KNDC1: variants seen among roughly 807,000 people sequenced by gnomAD.
The protein encoded by KNDC1 is kinase non-catalytic C-lobe domain-containing protein 1.
In KNDC1, 106 loss-of-function variants were observed where a neutral mutation model predicts 172.8. That is an observed-to-expected ratio of 0.61 (90% CI 0.52 to 0.72). The LOEUF (loss-of-function observed/expected upper bound fraction) is 0.72. Among genes scored for constraint, KNDC1 ranks in the 30% least tolerant of loss-of-function variants. The probability of loss-of-function intolerance (pLI) is 0.00; values close to 1 mark genes in which losing one functional copy is unlikely to be tolerated. For synonymous variants in KNDC1, 1,083 were observed against 1,062.2 expected (o/e 1.02, Z -0.38); for missense variants, 2,325 against 2,394.5 (o/e 0.97, Z 0.61).
chr10:133,191,840 C>T (rs1036234132), intron 9 of KNDC1, among the ~76,000 whole-genome samples: 103 of 152,344 alleles, frequency 6.8e-4, no homozygotes, highest in African/African-American at 2.4e-3. Context: ...CAGCAAGGGC[C>T]GAGCCTGGAG....
rs5789153 is a variant in KNDC1, at chr10:133,173,491, A to AT, written c.360+5190dup. On this transcript the variant is annotated intron_variant, in intron 3 of 29. Coordinates refer to ENST00000304613, the MANE Select transcript of KNDC1 (RefSeq NM_152643.8). ...ATGTTTGCATGATCATTTCCTTCTA[A>AT]TTTTTTTTTTTATTTCCACTGGGAT... Among the ~76,000 whole-genome samples, 75 of 151,486 alleles carry AT rather than the reference A, an allele frequency of 5.0e-4. 1 individual carries two copies. The highest frequency in any genetic ancestry group is 1.7e-3 in the African/African-American group (71 of 41,326).
Position 133,167,441 on chromosome 10 carries a change from G to A in KNDC1, c.163G>A (p.Ala55Thr), listed in dbSNP as rs1447075319. 6.2e-7 allele frequency: 1 copy of A among 1,606,110 alleles called. No homozygotes were observed. The highest frequency in any genetic ancestry group is 2.2e-5 in the East Asian group (1 of 44,552). The change falls in exon 2 of 30, where the codon GCC becomes ACC. Residue 55 changes from alanine to threonine, a missense_variant. Physicochemically the swap from Ala to Thr is moderately conservative, Grantham distance 58. Coordinates refer to ENST00000304613, the MANE Select transcript of KNDC1 (RefSeq NM_152643.8). ...GGACCGCGGCCTCAGCGAGCAGGAA[G>A]CCTGGGCCGTGTGCCTGGAGTGCAG... ...LRDRGLSEQE[A>T]WAVCLECSLS... is the part of the protein sequence containing the mutation.
At chr10:133,185,676 G>C (rs1853878005) in intron 5 of KNDC1, among the ~76,000 whole-genome samples, 1 of 151,254 alleles carries the variant, frequency 6.6e-6, no homozygotes, top group African/African-American at 2.4e-5. Context: ...TTAGGTCCAG[G>C]CTCCCATAGG....
rs376303101 is a variant in KNDC1, at chr10:133,167,492, G to T, written c.214G>T (p.Ala72Ser). ...CSLSMRSVAH[A>S]AIFQSLCITP... ...CCTGTCCATGCGGAGCGTGGCCCAC[G>T]CCGCCATCTTCCAGAGCCTGTGCAT... Residue 72 changes from alanine (A) to serine (S), a missense_variant, in exon 2 of 30, where the codon GCC becomes TCC. By Grantham distance (99) the Ala-to-Ser change is moderately conservative. Coordinates refer to ENST00000304613, the MANE Select transcript of KNDC1 (RefSeq NM_152643.8). The T allele has an allele frequency of 6.2e-6, 10 of 1,605,382 alleles. No individual in the cohort carries two copies. In the East Asian group the frequency reaches 1.8e-4, roughly 29 times the overall value.
Position 133,209,994 on chromosome 10 carries a change from C to T in KNDC1, c.3795-617C>T, listed in dbSNP as rs894244812. 6.6e-6 allele frequency among the ~76,000 whole-genome samples: 1 copy of T among 152,094 alleles called. No individual in the cohort carries two copies. On this transcript the variant is annotated intron_variant, in intron 20 of 29. Coordinates refer to ENST00000304613, the MANE Select transcript of KNDC1 (RefSeq NM_152643.8). This position sits in a 1 kb window ranked among gnomAD's most constrained non-coding sequence, Gnocchi z 4.9. The stretch of plus-strand genomic sequence containing the variant: ...CAGAACCTTTGAGCGTGCAGCATTG[C>T]GCCCGGTCCCGAGGCACCAGCTCCC...
At chr10:133,179,915 TC>T (rs1273145680) in intron 3 of KNDC1, among the ~76,000 whole-genome samples, 1 of 152,218 alleles carries the variant, frequency 6.6e-6, no homozygotes, top group East Asian at 1.9e-4. Context: ...GCAGGGCCAC[TC>T]GGTGCTCCCA....
intron 24 of KNDC1, 100 bp from the exon 25 acceptor site, chr10:133,213,545 C>G: frequency 1.0e-6 from 1 of 955,882 alleles, no homozygotes; most frequent in South Asian, 1.5e-5. Context: ...GATTGCAGAG[C>G]TGGCCCCCCA....
At chr10:133,165,339 G>A (rs1033052246) in intron 1 of KNDC1, among the ~76,000 whole-genome samples, 16 of 152,338 alleles carry the variant, frequency 1.1e-4, no homozygotes, top group African/African-American at 3.8e-4. Flanking sequence ...GCAGGAGGGC[G>A]TGCTGTGTGC....
At chr10:133,177,682 G>A (rs1284408506) in intron 3 of KNDC1, among the ~76,000 whole-genome samples, 1 of 152,118 alleles carries the variant, frequency 6.6e-6, no homozygotes, top group Non-Finnish European at 1.5e-5. Context: ...TATATCATGG[G>A]CACATGTGTG....
chr10:133,183,682 G>A (rs1326069976), intron 4 of KNDC1, among the ~76,000 whole-genome samples, 190 bp from the exon 5 acceptor site: 1 of 152,204 alleles, frequency 6.6e-6, no homozygotes, highest in Non-Finnish European at 1.5e-5. Context: ...TTTTGCTTGT[G>A]ACAAGCCTCC....
At chr10:133,222,484 C>G (rs1207097702) in intron 29 of KNDC1, among the ~76,000 whole-genome samples, 2 of 56,508 alleles carry the variant, frequency 3.5e-5, no homozygotes, top group African/African-American at 5.6e-5. Context: ...CAGGCATGCT[C>G]TTCCCGGTGT....
In KNDC1 at chr10:133,209,319, TG is replaced by T. The variant is rs2136017527; in HGVS notation, c.3795-1291del. Among the ~76,000 whole-genome samples, 1 of 151,076 alleles carries T rather than the reference TG, an allele frequency of 6.6e-6. No homozygotes were observed. Among genetic ancestry groups the T allele is most frequent in the African/African-American group, 2.4e-5 (1 of 41,068 alleles). ...TGTGTGGTGTGGGGTACAGTGTGTG[TG>T]TGCACGTGTGTGCTGTGCGGTGTGG... On this transcript the variant is annotated intron_variant, in intron 20 of 29. Coordinates refer to ENST00000304613, the MANE Select transcript of KNDC1 (RefSeq NM_152643.8). This position sits in a 1 kb window ranked among gnomAD's most constrained non-coding sequence, Gnocchi z 4.9.
intron 16 of KNDC1, among the ~76,000 whole-genome samples, chr10:133,200,759 G>C (rs1296424706): frequency 1.3e-5 from 2 of 152,206 alleles, no homozygotes; most frequent in Non-Finnish European, 2.9e-5. Context: ...GGGGTCCTCT[G>C]TCACCGGCCA....
rs559084060 is a variant in KNDC1, at chr10:133,209,207, CGT to C, written c.3795-1398_3795-1397del. ...CATGGGGTGTAGTGTGGCGTGTACA[CGT>C]GTGTGGTTGGGTTTTGTGTGGTGCG... On this transcript the variant is annotated intron_variant, in intron 20 of 29. Transcript: ENST00000304613. The surrounding 1 kb of genome is among the most constrained non-coding windows in gnomAD (Gnocchi z 4.9). Among the ~76,000 whole-genome samples, 386 of 146,170 alleles carry C rather than the reference CGT, an allele frequency of 2.6e-3. 2 individuals carry two copies. The highest frequency in any genetic ancestry group is 8.9e-3 in the African/African-American group (348 of 39,188).
At position 133,201,867 on chromosome 10, in the gene KNDC1, C is replaced by T. The variant is rs771239824; in HGVS notation, c.3356C>T (p.Ala1119Val). 11 of 1,474,042 alleles carry T rather than the reference C, an allele frequency of 7.5e-6. No homozygotes were observed. Among genetic ancestry groups the T allele is most frequent in the African/African-American group, 2.8e-5 (2 of 70,646 alleles). The allele number at this position is 1,474,042 out of a possible 1,614,324, so 91.3% of individuals were successfully genotyped here. Reference sequence around the variant, plus strand: ...GTGAAGGACCTGGGGCGGCAGCAGGCGGACGGGGCCCTGCCCGACGCCCAG... The same window carrying T: ...GTGAAGGACCTGGGGCGGCAGCAGGTGGACGGGGCCCTGCCCGACGCCCAG... ...NYVKDLGRQQADGALPDAQSP... is the reference protein window; with the variant it reads ...NYVKDLGRQQVDGALPDAQSP... The change falls in exon 17 of 30, where the codon GCG (alanine) becomes GTG (valine). Residue 1119 changes from alanine to valine, a missense_variant. Physicochemically the swap from Ala to Val is moderately conservative, Grantham distance 64. Coordinates refer to ENST00000304613, the MANE Select transcript of KNDC1 (RefSeq NM_152643.8).
At chr10:133,206,067 G>A (rs557067892) in intron 17 of KNDC1, among the ~76,000 whole-genome samples, 37 of 152,150 alleles carry the variant, frequency 2.4e-4, no homozygotes, top group African/African-American at 8.0e-4. Context: ...GGGCATGGTG[G>A]TGCATGCCTG....
intron 19 of KNDC1, 83 bp from the exon 20 acceptor site, chr10:133,207,054 G>A: frequency 6.5e-7 from 1 of 1,526,810 alleles, no homozygotes; most frequent in Middle Eastern, 1.7e-4. Flanking sequence ...AGTTATAAAA[G>A]GGGCCCTGAT....
At chr10:133,204,679 A>G (rs1487274216) in intron 17 of KNDC1, among the ~76,000 whole-genome samples, 1 of 152,238 alleles carries the variant, frequency 6.6e-6, no homozygotes, top group Non-Finnish European at 1.5e-5. Context: ...TTATTTTGCA[A>G]AAAACATTCA....
intron 1 of KNDC1, among the ~76,000 whole-genome samples, chr10:133,162,690 G>A (rs1853015767): frequency 6.6e-6 from 1 of 152,260 alleles, no homozygotes; most frequent in African/African-American, 2.4e-5. Context: ...GGCAAGAACT[G>A]AAGAGCGGAC....
Sources: allele counts gnomAD v4.1 joint callset (sites outside exome capture counted in the v4.1 genomes callset), GRCh38; gene constraint gnomAD v4.1.1; non-coding constraint Gnocchi (gnomAD v3.1); transcripts MANE v1.5; gene names NCBI Gene and HGNC (gene_info 2026-07-23, HGNC 2026-07-21).